IFT172: variants seen among roughly 807,000 people sequenced by gnomAD.
IFT172 encodes intraflagellar transport protein 172 homolog.
A neutral mutation model predicts 248.9 loss-of-function variants in IFT172; 164 were observed. That is an observed-to-expected ratio of 0.66 (90% CI 0.58 to 0.75). IFT172 has a LOEUF of 0.75. IFT172 is among the 30% of genes least tolerant of loss of function. The pLI is 0.00. For missense variants in IFT172, 1,950 were observed against 2,192.4 expected (o/e 0.89, Z 2.21); for synonymous variants, 729 against 791.6 (o/e 0.92, Z 1.33).
rs981683949 is a variant in IFT172 at position 27,482,385 on chromosome 2, C to T, written c.570+904G>A. Among the ~76,000 whole-genome samples the T allele has an allele frequency of 2.0e-5, 3 of 152,082 alleles. No individual in the cohort carries two copies. The East Asian group carries it at 5.8e-4, about 29-fold the overall frequency. ...TTGGCTCACTGCAACCTCTGCCTCC[C>T]AGGTTCAAGCGATTCTCCTGCCTCA... On this transcript the variant is annotated intron_variant, in intron 7 of 47. Transcript: ENST00000260570.
intron 16 of IFT172, among the ~76,000 whole-genome samples, chr2:27,470,270 GA>G (rs34157692): frequency 2.1e-5 from 3 of 139,774 alleles, no homozygotes; most frequent in East Asian, 2.2e-4. Context: ...AAGAGAGAGA[GA>G]AAAAAAAAAG....
chr2:27,445,242 G>T lies in IFT172; in HGVS notation c.5068+54C>A. On this transcript the variant is annotated intron_variant, in intron 46 of 47. Transcript: ENST00000260570. The surrounding 1 kb of genome is among the most constrained non-coding windows in gnomAD (Gnocchi z 4.4). Reference sequence around the variant, plus strand: ...GAATCCTAGTAAAATTAAGTTTATTGATCCTGCTGCTTTCTACCCACCACA... The same window carrying T: ...GAATCCTAGTAAAATTAAGTTTATTTATCCTGCTGCTTTCTACCCACCACA... 1.3e-6 allele frequency: 2 copies of T among 1,586,688 alleles called. No homozygotes were observed. The highest frequency in any genetic ancestry group is 1.7e-6 in the Non-Finnish European group (2 of 1,164,738).
intron 42 of IFT172, 37 bp from the exon 43 acceptor site, chr2:27,446,392 A>C: frequency 6.3e-7 from 1 of 1,577,006 alleles, no homozygotes; most frequent in Non-Finnish European, 8.7e-7. Flanking sequence ...ATATGGCACT[A>C]AAGTGACTGA....
In IFT172 at chr2:27,453,495, C is replaced by T; in HGVS notation, c.3840G>A (p.Val1280=). The change falls in exon 35 of 48, where the codon GTG becomes GTA. Residue 1280 remains valine (V), a synonymous_variant. Coordinates refer to ENST00000260570, the MANE Select transcript of IFT172 (RefSeq NM_015662.3). ...KKGARGVEGF[V]EQARHWEQAG... ...CCTGCTCCCAGTGTCGAGCTTGTTC[C>T]ACAAATCCCTCCACACCCCTGTGGA... 6.2e-7 allele frequency: 1 copy of T among 1,614,190 alleles called. No homozygotes were observed. The highest frequency in any genetic ancestry group is 8.5e-7 in the Non-Finnish European group (1 of 1,180,022).
intron 40 of IFT172, 22 bp from the exon 41 acceptor site, chr2:27,447,944 G>A: frequency 7.0e-7 from 1 of 1,433,462 alleles, no homozygotes; most frequent in Non-Finnish European, 9.8e-7. Flanking sequence ...GGGAAGAAGG[G>A]GATCTGAGAA....
In IFT172 at chr2:27,449,866, C is replaced by G. The variant is rs1205662977; in HGVS notation, c.4051-66G>C. The G allele has an allele frequency of 2.1e-6, 3 of 1,441,142 alleles. No individual in the cohort carries two copies. The African/African-American group carries it at 4.2e-5, about 20-fold the overall frequency. The allele number at this position is 1,441,142 out of a possible 1,614,324, so 89.3% of individuals were successfully genotyped here. A position where few individuals can be genotyped will look rare whatever the true frequency, so the allele number is the denominator to read the frequency against. ...CCCAGTCTTCCCACTGTGAGCTCTCCCATCTGTTTCCCCAGGACTGCAAGC... is the reference window on the plus strand; with the variant it reads ...CCCAGTCTTCCCACTGTGAGCTCTCGCATCTGTTTCCCCAGGACTGCAAGC... On this transcript the variant is annotated intron_variant, in intron 36 of 47. Coordinates refer to ENST00000260570, the MANE Select transcript of IFT172 (RefSeq NM_015662.3).
intron 7 of IFT172, 74 bp from the exon 8 acceptor site, chr2:27,481,334 G>T: frequency 3.7e-6 from 4 of 1,085,426 alleles, no homozygotes; most frequent in East Asian, 2.6e-5. Flanking sequence ...TCAACACCTG[G>T]TACATTCACT....
chr2:27,448,359 A>T (rs1665359995), intron 40 of IFT172, among the ~76,000 whole-genome samples: 1 of 152,232 alleles, frequency 6.6e-6, no homozygotes, highest in East Asian at 1.9e-4. Flanking sequence ...TCGGCCTCCC[A>T]AAGTGTTGGG....
intron 17 of IFT172, 72 bp from the exon 18 acceptor site, chr2:27,465,590 G>T: frequency 6.5e-7 from 1 of 1,546,482 alleles, no homozygotes; most frequent in Non-Finnish European, 8.9e-7. Flanking sequence ...GACTGGTGAT[G>T]GGGCAAGGGG....
intron 15 of IFT172, 22 bp from the exon 16 acceptor site, chr2:27,471,117 AACACAATT>A: frequency 6.2e-7 from 1 of 1,605,020 alleles, no homozygotes; most frequent in Non-Finnish European, 8.5e-7. Flanking sequence ...AAAGGCAGGT[AACACAATT>A]ACAAGGGGAT....
Position 27,456,654 on chromosome 2 carries a change from CTG to C in IFT172, c.3229-3_3229-2del. ...TAGCCCCTCCTTGAGTTCTGGCCAC[CTG>C]TAAAGCAAAGTCACTCAATAATCCT... On this transcript the variant is annotated splice_acceptor_variant and splice_polypyrimidine_tract_variant and intron_variant, in intron 29 of 47. Coordinates refer to ENST00000260570, the MANE Select transcript of IFT172 (RefSeq NM_015662.3). LOFTEE classifies it high-confidence loss of function. 1 of 1,612,594 alleles carries C rather than the reference CTG, an allele frequency of 6.2e-7. No individual in the cohort carries two copies. The highest frequency in any genetic ancestry group is 8.5e-7 in the Non-Finnish European group (1 of 1,179,424).
At chr2:27,483,965 T>C in intron 4 of IFT172, 28 bp from the exon 5 acceptor site, 1 of 1,603,674 alleles carries the variant, frequency 6.2e-7, no homozygotes, top group Non-Finnish European at 8.5e-7. Context: ...ATGAAAAGGA[T>C]AACCCCATCT....
Position 27,458,837 on chromosome 2 carries a change from C to T in IFT172, c.2819G>A (p.Arg940Gln), listed in dbSNP as rs761248577. The change falls in exon 26 of 48, where the codon CGG becomes CAG. Residue 940 changes from arginine (R) to glutamine (Q), a missense_variant. Transcript: ENST00000260570. ...GTACATGTCTATGGCATCTTTTGTCCGATCTCCCTTAGTATAGAGCTCCTC... is the reference window on the plus strand; with the variant it reads ...GTACATGTCTATGGCATCTTTTGTCTGATCTCCCTTAGTATAGAGCTCCTC... ...IAEELYTKGD[R>Q]TKDAIDMYTQ... The T allele has an allele frequency of 1.2e-5, 20 of 1,614,026 alleles. No individual in the cohort carries two copies. Among genetic ancestry groups the T allele is most frequent in the Admixed American group, 5.0e-5 (3 of 59,994 alleles).
chr2:27,451,638 C>T (rs1244736869), intron 35 of IFT172, among the ~76,000 whole-genome samples: 1 of 152,132 alleles, frequency 6.6e-6, no homozygotes, highest in African/African-American at 2.4e-5. Context: ...TGATGGTGGG[C>T]ACCTGTAGTC....
intron 13 of IFT172, 181 bp downstream of exon 13, chr2:27,477,036 G>C: frequency 6.1e-6 from 4 of 654,572 alleles, no homozygotes; most frequent in Non-Finnish European, 8.1e-6. Context: ...TGTTGCCCAG[G>C]CTGGTCTTGA....
rs965575257 is a variant in IFT172, at chr2:27,453,900, T to A, written c.3711+82A>T. The stretch of plus-strand genomic sequence containing the variant: ...CAATACTAACCTCCCTGATCTTTCT[T>A]CATACCAGGGGTCAGTGTGGCTCTC... On this transcript the variant is annotated intron_variant, in intron 33 of 47. Coordinates refer to ENST00000260570, the MANE Select transcript of IFT172 (RefSeq NM_015662.3). The A allele has an allele frequency of 4.1e-6, 6 of 1,466,216 alleles. No homozygotes were observed. The Admixed American group carries it at 1.3e-4, about 31-fold the overall frequency. 90.8% of individuals were successfully genotyped at this position (1,466,216 alleles called of 1,614,324 possible).
intron 40 of IFT172, 89 bp downstream of exon 40, chr2:27,448,826 C>A: frequency 1.3e-6 from 1 of 770,590 alleles, no homozygotes; most frequent in Non-Finnish European, 2.4e-6. Flanking sequence ...ATAGAATCCT[C>A]TGAGAAGATA....
In IFT172 at chr2:27,483,922, G is replaced by C. The variant is rs1668565431; in HGVS notation, c.352C>G (p.Leu118Val). Residue 118 changes from leucine to valine, a missense_variant, in exon 5 of 48, where the codon CTG becomes GTG. Leu to Val is a conservative substitution (Grantham distance 32, BLOSUM62 1). This residue lies in a region of IFT172 where 1,166 missense variants were observed against 1,254.1 expected (regional missense o/e 0.93). Coordinates refer to ENST00000260570, the MANE Select transcript of IFT172 (RefSeq NM_015662.3). ...ATGATGTATTCTGCCGGCCATTGCA[G>C]ACAAGTGACAGCACTCTGCGTGGAA... ...KFIQTSAVTCLQWPAEYIIVF... is the reference protein window; with the variant it reads ...KFIQTSAVTCVQWPAEYIIVF... 6.2e-7 allele frequency: 1 copy of C among 1,613,788 alleles called. No homozygotes were observed. Among genetic ancestry groups the C allele is most frequent in the African/African-American group, 1.3e-5 (1 of 74,902 alleles).
At chr2:27,479,830 C>A (rs1354435637) in intron 9 of IFT172, among the ~76,000 whole-genome samples, 196 bp downstream of exon 9, 1 of 152,226 alleles carries the variant, frequency 6.6e-6, no homozygotes, top group Non-Finnish European at 1.5e-5. Flanking sequence ...TGCCTACACA[C>A]AATTTTTTGT....
Sources: gnomAD v4.1 joint callset for allele counts (sites outside exome capture counted in the v4.1 genomes callset) on GRCh38, gnomAD v4.1.1 for gene constraint, gnomAD v4.1.1 regional missense constraint, Gnocchi (gnomAD v3.1) non-coding constraint, MANE v1.5 for transcripts, NCBI Gene and HGNC (gene_info 2026-07-23, HGNC 2026-07-21) for gene names.